The following SLC28A3 variants were observed in gnomAD, a reference collection of about 807,000 sequenced individuals.
The protein encoded by SLC28A3 is solute carrier family 28 member 3, also known as concentrative Na(+)-nucleoside cotransporter 3.
Under a neutral mutation model 84.2 loss-of-function variants are expected in SLC28A3, and 68 were observed. The ratio of observed to expected loss-of-function variants is 0.81; its 90% confidence interval spans 0.66 to 0.99. The LOEUF is 0.99. SLC28A3 is among the 50% of genes least tolerant of loss of function. The probability of loss-of-function intolerance (pLI) is 0.00; values close to 1 mark genes in which losing one functional copy is unlikely to be tolerated. For synonymous variants in SLC28A3, 267 were observed against 303.6 expected (o/e 0.88, Z 1.25); for missense variants, 712 against 841.5 (o/e 0.85, Z 1.90).
chr9:84,353,640 G>A, the SLC28A3 span, among the ~76,000 whole-genome samples: 3 of 152,168 alleles, frequency 2.0e-5, no homozygotes, highest in African/African-American at 7.2e-5. Flanking sequence ...AACTCGAGAG[G>A]TGGAGCTTGC....
intron 1 of SLC28A3, among the ~76,000 whole-genome samples, chr9:84,316,506 T>C (rs1826174555): frequency 6.6e-6 from 1 of 152,224 alleles, no homozygotes; most frequent in African/African-American, 2.4e-5. Context: ...GGACCATGGA[T>C]ACAAGGCCCA....
intron 1 of SLC28A3, among the ~76,000 whole-genome samples, chr9:84,330,530 C>G (rs1011357344): frequency 1.1e-4 from 17 of 152,018 alleles, no homozygotes; most frequent in African/African-American, 4.1e-4. Context: ...GACTAAGGAC[C>G]TGAATTTAAT....
the SLC28A3 span, among the ~76,000 whole-genome samples, chr9:84,365,892 A>C: frequency 1.3e-5 from 2 of 152,040 alleles, no homozygotes; most frequent in African/African-American, 4.8e-5. Flanking sequence ...CTCTACTAAA[A>C]ATACAAAATT....
intron 17 of SLC28A3, 35 bp from the exon 18 acceptor site, chr9:84,278,379 C>G: frequency 6.2e-7 from 1 of 1,611,952 alleles, no homozygotes; most frequent in South Asian, 1.1e-5. Context: ...TTACATGAGC[C>G]ATAGATGGCA....
intron 1 of SLC28A3, among the ~76,000 whole-genome samples, chr9:84,337,985 C>T (rs1827040598): frequency 6.6e-6 from 1 of 152,176 alleles, no homozygotes. Flanking sequence ...GCAATTGGTG[C>T]TCCCTTCTTT....
At chr9:84,348,335 C>T in the SLC28A3 span, among the ~76,000 whole-genome samples, 4 of 126,124 alleles carry the variant, frequency 3.2e-5, no homozygotes, top group Non-Finnish European at 6.3e-5. Context: ...GCCTGAGTGA[C>T]GGAGCAAGAC....
chr9:84,303,469 TGCCACCAC>T (rs1384582379), intron 4 of SLC28A3, among the ~76,000 whole-genome samples: 1 of 152,186 alleles, frequency 6.6e-6, no homozygotes, highest in East Asian at 1.9e-4. Context: ...TACAGGCATG[TGCCACCAC>T]GCCCGGTTAA....
intron 1 of SLC28A3, among the ~76,000 whole-genome samples, chr9:84,330,223 C>T (rs908924381): frequency 3.3e-5 from 5 of 151,524 alleles, no homozygotes; most frequent in African/African-American, 1.2e-4. Flanking sequence ...AACCATAAAC[C>T]TCCCAACAAG....
At chr9:84,298,756 C>CA (rs550198048) in intron 6 of SLC28A3, among the ~76,000 whole-genome samples, 393 of 152,312 alleles carry the variant, frequency 2.6e-3, no homozygotes, top group African/African-American at 8.4e-3. Flanking sequence ...GTTGATCTGA[C>CA]AACCTGTAAG....
intron 1 of SLC28A3, among the ~76,000 whole-genome samples, chr9:84,334,285 C>T (rs370531168): frequency 3.9e-5 from 6 of 152,048 alleles, no homozygotes; most frequent in South Asian, 2.1e-4. Flanking sequence ...GGCAACAGAG[C>T]GAGACTCTGT....
chr9:84,341,223 G>A (rs1827150994), upstream of SLC28A3, among the ~76,000 whole-genome samples: 1 of 152,012 alleles, frequency 6.6e-6, no homozygotes, highest in African/African-American at 2.4e-5. Flanking sequence ...CACCTGCCTT[G>A]GCCTCCTAAA....
intron 11 of SLC28A3, among the ~76,000 whole-genome samples, chr9:84,288,990 T>C (rs1367525461): frequency 6.6e-6 from 1 of 152,186 alleles, no homozygotes; most frequent in African/African-American, 2.4e-5. Context: ...ACAATCTTCA[T>C]TGATCTGGTG....
At position 84,278,199 on chromosome 9, in the gene SLC28A3, A is replaced by C. The variant is rs1264131939; in HGVS notation, c.*19T>G. On this transcript the variant is annotated 3_prime_UTR_variant, in exon 18 of 18. Coordinates refer to ENST00000376238, the MANE Select transcript of SLC28A3 (RefSeq NM_001199633.2). ...TTCAGCATCTGTACTTCAGAGTTCC[A>C]CTGGAGAAGTGGCTGACCTCAAAAT... 1 of 1,610,568 alleles carries C rather than the reference A, an allele frequency of 6.2e-7. No individual in the cohort carries two copies. The highest frequency in any genetic ancestry group is 8.5e-7 in the Non-Finnish European group (1 of 1,178,218).
intron 1 of SLC28A3, among the ~76,000 whole-genome samples, chr9:84,330,615 CTTGA>C (rs1826746368): frequency 6.6e-6 from 1 of 152,110 alleles, no homozygotes; most frequent in African/African-American, 2.4e-5. Context: ...TTTAGAACAA[CTTGA>C]TTATGAATCT....
intron 5 of SLC28A3, 108 bp downstream of exon 5, chr9:84,302,092 C>A (rs17087056): frequency 0.058 from 60,957 of 1,046,196 alleles, 2,228 homozygotes; most frequent in East Asian, 0.14. Flanking sequence ...GTGTTTCTAG[C>A]TTCCATATCC....
At chr9:84,290,346 A>G in intron 10 of SLC28A3, 67 bp from the exon 11 acceptor site, 1 of 1,569,200 alleles carries the variant, frequency 6.4e-7, no homozygotes, top group Non-Finnish European at 8.7e-7. Context: ...AGGCATGCCA[A>G]TCTACTCACA....
the SLC28A3 span, among the ~76,000 whole-genome samples, chr9:84,359,089 T>C: frequency 1.3e-5 from 2 of 152,136 alleles, no homozygotes; most frequent in African/African-American, 2.4e-5. Context: ...CAGCACCTTC[T>C]GTTTCCAAGT....
In SLC28A3 at chr9:84,334,133, C is replaced by T. The variant is rs531800608; in HGVS notation, c.60+6441G>A. Among the ~76,000 whole-genome samples, 24 of 152,108 alleles carry T rather than the reference C, an allele frequency of 1.6e-4. No individual in the cohort carries two copies. The South Asian group carries it at 2.5e-3, about 16-fold the overall frequency. On this transcript the variant is annotated intron_variant, in intron 1 of 17. Coordinates refer to ENST00000376238, the MANE Select transcript of SLC28A3 (RefSeq NM_001199633.2). ...CAGCCTGGCCAACAGGGTGAAACCCCGTCTCTACTAAAAATACAAGCCGGG... is the reference window on the plus strand; with the variant it reads ...CAGCCTGGCCAACAGGGTGAAACCCTGTCTCTACTAAAAATACAAGCCGGG...
chr9:84,290,700 A>G (rs946915769), intron 10 of SLC28A3, among the ~76,000 whole-genome samples: 14 of 152,210 alleles, frequency 9.2e-5, no homozygotes, highest in Admixed American at 6.5e-5. Context: ...TCTAAGGGCC[A>G]ACTGACTCTA....
Sources: gnomAD v4.1 joint callset for allele counts (sites outside exome capture counted in the v4.1 genomes callset) on GRCh38, gnomAD v4.1.1 for gene constraint, MANE v1.5 for transcripts, NCBI Gene and HGNC (gene_info 2026-07-23, HGNC 2026-07-21) for gene names.